Variants in XPO7 observed in about 807,000 individuals in gnomAD.
The protein encoded by XPO7 is exportin-7.
Under a neutral mutation model 144.3 loss-of-function variants are expected in XPO7, and 21 were observed. The observed-to-expected ratio is 0.15, with a 90% CI of 0.10 to 0.21. XPO7 has a LOEUF of 0.21. Among genes scored for constraint, XPO7 ranks in the 10% least tolerant of loss-of-function variants. The pLI is 1.00. For synonymous variants in XPO7, 580 were observed against 499.6 expected, an observed-to-expected ratio of 1.16 and a Z score of -2.15; for missense variants, 808 against 1,325.8, an observed-to-expected ratio of 0.61 and a Z score of 6.06.
chr8:22,003,969 C>G lies in XPO7; in HGVS notation c.3109C>G (p.Leu1037Val). Residue 1037 changes from leucine (L) to valine (V), a missense_variant, in exon 27 of 28, where the codon CTG becomes GTG. Transcript: ENST00000252512. ...ACCGGAGAAGCAGCAGGCCATGCACCTGTGTTTTGAGAACCTGATGGAAGG... is the reference window on the plus strand; with the variant it reads ...ACCGGAGAAGCAGCAGGCCATGCACGTGTGTTTTGAGAACCTGATGGAAGG... ...QPPEKQQAMH[L>V]CFENLMEGIE... 6.2e-7 allele frequency: 1 copy of G among 1,613,906 alleles called. No individual in the cohort carries two copies. Among genetic ancestry groups the G allele is most frequent in the South Asian group, 1.1e-5 (1 of 91,068 alleles).
At chr8:22,001,001 T>C (rs1165915056) in intron 24 of XPO7, among the ~76,000 whole-genome samples, 2 of 152,074 alleles carry the variant, frequency 1.3e-5, no homozygotes, top group Non-Finnish European at 2.9e-5. Flanking sequence ...AGCCCTTGCT[T>C]TGGAAGACTT....
chr8:22,004,164 T>G, intron 27 of XPO7, 134 bp downstream of exon 27: 1 of 1,156,098 alleles, frequency 8.6e-7, no homozygotes, highest in Non-Finnish European at 1.2e-6. Flanking sequence ...AATAGAAAAG[T>G]GAGCCATGTT....
chr8:21,982,285 T>C (rs1812432930), intron 10 of XPO7, among the ~76,000 whole-genome samples: 1 of 152,164 alleles, frequency 6.6e-6, no homozygotes, highest in African/African-American at 2.4e-5. Context: ...ATATAGATTC[T>C]TGAGTCTTAT....
In XPO7 at chr8:21,999,073, T is replaced by C. The variant is rs376574742; in HGVS notation, c.2429-18T>C. Reference sequence around the variant, plus strand: ...CTTCTAATGTGGTTGAATAAACATATATGACATGTCTACTCAGGCAATCGC... The same window carrying C: ...CTTCTAATGTGGTTGAATAAACATACATGACATGTCTACTCAGGCAATCGC... On this transcript the variant is annotated intron_variant, in intron 22 of 27. Transcript: ENST00000252512. 8 of 1,613,600 alleles carry C rather than the reference T, an allele frequency of 5.0e-6. No homozygotes were observed. The highest frequency in any genetic ancestry group is 3.3e-5 in the South Asian group (3 of 91,076).
In XPO7 at chr8:21,987,843, C is replaced by G; in HGVS notation, c.1773C>G (p.Val591=). ...GLNDETMVLS[V]FIGKIITNLK... is the part of the protein sequence containing the mutation. ...ATGATGAGACCATGGTCCTAAGCGT[C>G]TTCATAGGAAAAATGTAAGTGTTTC... Residue 591 remains valine (V), a synonymous_variant, in exon 15 of 28, where the codon GTC becomes GTG. Coordinates refer to ENST00000252512, the MANE Select transcript of XPO7 (RefSeq NM_015024.5). 1 of 1,613,762 alleles carries G rather than the reference C, an allele frequency of 6.2e-7. No individual in the cohort carries two copies. Among genetic ancestry groups the G allele is most frequent in the Non-Finnish European group, 8.5e-7 (1 of 1,179,782 alleles).
chr8:21,920,583 G>C (rs1398446181), intron 1 of XPO7, among the ~76,000 whole-genome samples: 7 of 152,218 alleles, frequency 4.6e-5, no homozygotes, highest in African/African-American at 1.4e-4. Context: ...CTAGCGTGCT[G>C]TGGGGCCAGG....
chr8:22,004,892 A>T, intron 27 of XPO7, 103 bp from the exon 28 acceptor site: 1 of 621,368 alleles, frequency 1.6e-6, no homozygotes, highest in Non-Finnish European at 2.7e-6. Context: ...AGAACCCATC[A>T]ATTCATACAT....
Position 21,927,223 on chromosome 8 carries a change from T to C in XPO7, c.18+7435T>C, listed in dbSNP as rs1374652142. ...GTAACATAGCAAGACCCCAAGTCTT[T>C]TAAAAAAAATTAATTAATTAATTTA... On this transcript the variant is annotated intron_variant, in intron 1 of 27. Coordinates refer to ENST00000252512, the MANE Select transcript of XPO7 (RefSeq NM_015024.5). 4.7e-5 allele frequency among the ~76,000 whole-genome samples: 6 copies of C among 128,556 alleles called. No homozygotes were observed. In the East Asian group the frequency reaches 1.5e-3, roughly 33 times the overall value. 84.3% of individuals were successfully genotyped at this position (128,556 alleles called of 152,430 possible).
At chr8:21,995,045 C>G (rs1357099491) in intron 20 of XPO7, among the ~76,000 whole-genome samples, 1 of 149,058 alleles carries the variant, frequency 6.7e-6, no homozygotes, top group Non-Finnish European at 1.5e-5. Context: ...CAGAGCGAGA[C>G]TCCATCTCAA....
At chr8:21,967,979 C>A (rs926330784) in intron 2 of XPO7, among the ~76,000 whole-genome samples, 1 of 152,202 alleles carries the variant, frequency 6.6e-6, no homozygotes, top group Non-Finnish European at 1.5e-5. Flanking sequence ...CACTGGCCTT[C>A]TTTTGATAAA....
intron 16 of XPO7, among the ~76,000 whole-genome samples, 184 bp from the exon 17 acceptor site, chr8:21,990,160 T>C (rs1314576291): frequency 6.6e-6 from 1 of 152,132 alleles, no homozygotes. Flanking sequence ...GTATAGGTGT[T>C]TTCTTACTGA....
intron 1 of XPO7, among the ~76,000 whole-genome samples, chr8:21,959,144 CAG>C (rs1563321723): frequency 6.6e-6 from 1 of 152,126 alleles, no homozygotes; most frequent in Non-Finnish European, 1.5e-5. Context: ...ATTCACAAAA[CAG>C]AATCTGCGAA....
rs554265196 is a variant in XPO7, at chr8:21,949,701, A to C, written c.19-17156A>C. On this transcript the variant is annotated intron_variant, in intron 1 of 27. Coordinates refer to ENST00000252512, the MANE Select transcript of XPO7 (RefSeq NM_015024.5). ...CTCTGCCAGGAGTCAGGTGAAGCTC[A>C]GTCATGGCCAGGCTGTTTGTTGTTG... 4.3e-4 allele frequency among the ~76,000 whole-genome samples: 59 copies of C among 136,408 alleles called. 2 individuals carry two copies. In the South Asian group the frequency reaches 0.012, roughly 29 times the overall value. The allele number at this position is 136,408 out of a possible 152,430, so 89.5% of individuals were successfully genotyped here. A position where few individuals can be genotyped will look rare whatever the true frequency, so the allele number is the denominator to read the frequency against.
chr8:22,003,094 TTGTC>T, intron 25 of XPO7, 121 bp from the exon 26 acceptor site: 1 of 531,976 alleles, frequency 1.9e-6, no homozygotes, highest in Admixed American at 3.9e-5. Flanking sequence ...CACAAACTAT[TTGTC>T]TGATTTACCC....
At chr8:22,003,681 C>T (rs1813229571) in intron 26 of XPO7, among the ~76,000 whole-genome samples, 1 of 152,148 alleles carries the variant, frequency 6.6e-6, no homozygotes, top group Non-Finnish European at 1.5e-5. Flanking sequence ...GATAAGATGA[C>T]CCTTTTAAAG....
intron 1 of XPO7, among the ~76,000 whole-genome samples, chr8:21,930,203 A>G (rs1182219187): frequency 1.3e-5 from 2 of 152,224 alleles, no homozygotes; most frequent in African/African-American, 4.8e-5. Flanking sequence ...TATTTAACAG[A>G]ATAGTATTGT....
At chr8:21,996,775 G>T (rs1272519515) in intron 21 of XPO7, among the ~76,000 whole-genome samples, 1 of 151,932 alleles carries the variant, frequency 6.6e-6, no homozygotes, top group African/African-American at 2.4e-5. Context: ...GAATTAGTAA[G>T]GTTTTTTTTC....
intron 1 of XPO7, among the ~76,000 whole-genome samples, chr8:21,938,090 A>T (rs941216211): frequency 1.3e-5 from 2 of 152,180 alleles, no homozygotes; most frequent in Non-Finnish European, 2.9e-5. Context: ...AATGTAACAG[A>T]TATTAACAAT....
intron 1 of XPO7, among the ~76,000 whole-genome samples, chr8:21,962,179 C>T (rs900425898): frequency 6.6e-6 from 1 of 152,074 alleles, no homozygotes; most frequent in Non-Finnish European, 1.5e-5. Flanking sequence ...AAAGAGCAAG[C>T]GAGTTTGCCC....
Sources: gnomAD v4.1 joint callset for allele counts (sites outside exome capture counted in the v4.1 genomes callset) on GRCh38, gnomAD v4.1.1 for gene constraint, MANE v1.5 for transcripts, NCBI Gene and HGNC (gene_info 2026-07-23, HGNC 2026-07-21) for gene names.